The following CTSH variants were observed in gnomAD, a reference collection of about 807,000 sequenced individuals.
The protein encoded by CTSH is cathepsin H.
CTSH carries 52 observed loss-of-function variants against 56.3 expected under a neutral mutation model. That is an observed-to-expected ratio of 0.92 (90% confidence interval 0.74 to 1.16). The LOEUF is 1.16. Ranked by LOEUF, CTSH falls within the 50% of genes most tolerant of loss-of-function variation. CTSH has a pLI of 0.00. For synonymous variants in CTSH, 174 were observed against 155.7 expected (o/e 1.12, Z -0.88); for missense variants, 406 against 424.5 (o/e 0.96, Z 0.38).
chr15:78,939,797 C>T (rs1243432930), intron 1 of CTSH, among the ~76,000 whole-genome samples: 8 of 152,262 alleles, frequency 5.3e-5, no homozygotes, highest in Middle Eastern at 6.8e-3. Flanking sequence ...TGAGGAGAAT[C>T]GCTTGAACCC....
chr15:78,932,820 A>T (rs1189090420), intron 5 of CTSH, among the ~76,000 whole-genome samples: 1 of 151,906 alleles, frequency 6.6e-6, no homozygotes, highest in Admixed American at 6.6e-5. Context: ...CCCCCACCCC[A>T]TTCTGCAGTC....
At chr15:78,938,464 T>G (rs1010546578) in intron 2 of CTSH, among the ~76,000 whole-genome samples, 3 of 152,226 alleles carry the variant, frequency 2.0e-5, no homozygotes, top group Non-Finnish European at 4.4e-5. Context: ...TCTACTGTCT[T>G]TCTTCATCAG....
intron 10 of CTSH, among the ~76,000 whole-genome samples, chr15:78,924,058 C>T (rs777282978): frequency 4.7e-5 from 6 of 128,562 alleles, no homozygotes; most frequent in South Asian, 2.4e-4. Flanking sequence ...AGTGGGAGGG[C>T]GACAGAGCCC....
chr15:78,933,982 C>T (rs2055120473), intron 5 of CTSH, among the ~76,000 whole-genome samples: 1 of 152,202 alleles, frequency 6.6e-6, no homozygotes, highest in Admixed American at 6.5e-5. Flanking sequence ...CTTGGTGGGC[C>T]TCTCTTTCCC....
rs535918238 is a variant in CTSH at position 78,945,007 on chromosome 15, C to T, written c.-26G>A. 2.0e-6 allele frequency: 3 copies of T among 1,511,744 alleles called. No homozygotes were observed. The African/African-American group carries it at 4.3e-5, about 21-fold the overall frequency. The allele number at this position is 1,511,744 out of a possible 1,614,324, so 93.6% of individuals were successfully genotyped here. On this transcript the variant is annotated 5_prime_UTR_variant, in exon 1 of 12. Coordinates refer to ENST00000220166, the MANE Select transcript of CTSH (RefSeq NM_004390.5). The stretch of plus-strand genomic sequence containing the variant: ...CGCAGCGCTGGCGGCTTGGCTCTTG[C>T]GCTCAGGGTCCGCGGAGGTGGCGGC...
At chr15:78,935,606 C>A in intron 4 of CTSH, 74 bp downstream of exon 4, 1 of 1,311,154 alleles carries the variant, frequency 7.6e-7, no homozygotes. Context: ...TGCCTAGAAG[C>A]AGAGCAGGCT....
chr15:78,934,279 G>C (rs1158327468), intron 5 of CTSH, among the ~76,000 whole-genome samples: 1 of 152,234 alleles, frequency 6.6e-6, no homozygotes, highest in Non-Finnish European at 1.5e-5. Context: ...GGAGTTTCCA[G>C]GAAGGAAACC....
In CTSH at chr15:78,937,313, C is replaced by T. The variant is rs778643717; in HGVS notation, c.229+5G>A. ...TCCAGGAAGGAAGGAAGGCGTTCCACGTACTTTTAAATGTGTGGTTCCCAT... is the reference window on the plus strand; with the variant it reads ...TCCAGGAAGGAAGGAAGGCGTTCCATGTACTTTTAAATGTGTGGTTCCCAT... On this transcript the variant is annotated splice_donor_5th_base_variant and intron_variant, in intron 3 of 11. Transcript: ENST00000220166. The T allele has an allele frequency of 1.9e-5, 30 of 1,611,500 alleles. No homozygotes were observed. The highest frequency in any genetic ancestry group is 2.2e-5 in the East Asian group (1 of 44,878).
chr15:78,941,478 T>C (rs1354864708), intron 1 of CTSH, among the ~76,000 whole-genome samples: 2 of 112,598 alleles, frequency 1.8e-5, no homozygotes, highest in East Asian at 2.9e-4. Flanking sequence ...CTGTGACCCA[T>C]ACATCTGTGA....
At chr15:78,936,856 C>T (rs571319424) in intron 3 of CTSH, among the ~76,000 whole-genome samples, 3 of 152,220 alleles carry the variant, frequency 2.0e-5, no homozygotes, top group African/African-American at 7.2e-5. Flanking sequence ...CTTGAACTCC[C>T]AACCTCAGGT....
At chr15:78,938,614 T>C (rs1372296559) in intron 2 of CTSH, among the ~76,000 whole-genome samples, 2 of 152,238 alleles carry the variant, frequency 1.3e-5, no homozygotes, top group East Asian at 3.8e-4. Flanking sequence ...TTGTTATGGC[T>C]GAATAATATT....
chr15:78,940,650 A>G (rs1030215698), intron 1 of CTSH, among the ~76,000 whole-genome samples: 11 of 152,298 alleles, frequency 7.2e-5, no homozygotes, highest in African/African-American at 2.6e-4. Context: ...AACATGAACA[A>G]ACTTTTCTAT....
Position 78,935,767 on chromosome 15 carries a change from A to T in CTSH, c.230-17T>A. 1 of 1,591,826 alleles carries T rather than the reference A, an allele frequency of 6.3e-7. No homozygotes were observed. Reference sequence around the variant, plus strand: ...TCAGTGCCACTACAAAAGAGAAGGAAAAAACCAAAACAGAAATGGTTAGTG... The same window carrying T: ...TCAGTGCCACTACAAAAGAGAAGGATAAAACCAAAACAGAAATGGTTAGTG... On this transcript the variant is annotated splice_polypyrimidine_tract_variant and intron_variant, in intron 3 of 11. Transcript: ENST00000220166.
intron 7 of CTSH, among the ~76,000 whole-genome samples, chr15:78,929,898 A>G (rs958412617): frequency 6.6e-6 from 1 of 152,182 alleles, no homozygotes; most frequent in African/African-American, 2.4e-5. Context: ...TGGCTGAGGC[A>G]AAGAGGCTGA....
In CTSH at chr15:78,921,111, CAT is replaced by C. The variant is rs1336113793; in HGVS notation, c.*1017_*1018del. On this transcript the variant is annotated 3_prime_UTR_variant, in exon 12 of 12. Transcript: ENST00000220166. ...TTATCTAAATAAGCCTTATCATGAA[CAT>C]ATATATTTTTCAAATATTCTCAAGC... is the stretch of plus-strand genomic sequence containing the variant. The C allele has an allele frequency of 1.3e-5, 2 of 152,130 alleles. No individual in the cohort carries two copies. The highest frequency in any genetic ancestry group is 4.8e-5 in the African/African-American group (2 of 41,424). 9.4% of individuals were successfully genotyped at this position (152,130 alleles called of 1,614,324 possible).
intron 7 of CTSH, among the ~76,000 whole-genome samples, chr15:78,931,248 T>C (rs77509608): frequency 0.018 from 2,734 of 152,320 alleles, 43 homozygotes; most frequent in Non-Finnish European, 0.028. Flanking sequence ...GACAGAGGCC[T>C]GGACTCAGAT....
intron 6 of CTSH, chr15:78,931,919 T>A: frequency 8.4e-7 from 1 of 1,186,284 alleles, no homozygotes; most frequent in Non-Finnish European, 1.1e-6. Flanking sequence ...CTGTGCACTG[T>A]CCCTCCTTTC....
At position 78,922,061 on chromosome 15, in the gene CTSH, G is replaced by T; in HGVS notation, c.*69C>A. ...CTCCCCACAACTTCCTCCAGGGCAG[G>T]ATTTCCACCCAGGCCCAGGCTGCCC... is the stretch of plus-strand genomic sequence containing the variant. On this transcript the variant is annotated 3_prime_UTR_variant, in exon 12 of 12. Coordinates refer to ENST00000220166, the MANE Select transcript of CTSH (RefSeq NM_004390.5). 1.4e-6 allele frequency: 2 copies of T among 1,438,488 alleles called. No homozygotes were observed. The highest frequency in any genetic ancestry group is 1.9e-6 in the Non-Finnish European group (2 of 1,047,606). 89.1% of individuals were successfully genotyped at this position (1,438,488 alleles called of 1,614,324 possible).
chr15:78,944,962 A>T lies in CTSH; in HGVS notation c.20T>A (p.Leu7Gln). 1 of 1,545,416 alleles carries T rather than the reference A, an allele frequency of 6.5e-7. No individual in the cohort carries two copies. The highest frequency in any genetic ancestry group is 8.7e-7 in the Non-Finnish European group (1 of 1,145,306). MWATLP[L>Q]LCAGAWLLGV... ...CAGGAGCCAGGCCCCGGCGCAGAGC[A>T]GCGGCAGCGTGGCCCACATCGCAGC... The change falls in exon 1 of 12, where the codon CTG becomes CAG. Residue 7 changes from leucine (L) to glutamine (Q), a missense_variant. By Grantham distance (113) the Leu-to-Gln change is moderately radical. Coordinates refer to ENST00000220166, the MANE Select transcript of CTSH (RefSeq NM_004390.5).
Sources: allele counts gnomAD v4.1 joint callset (sites outside exome capture counted in the v4.1 genomes callset), GRCh38; gene constraint gnomAD v4.1.1; transcripts MANE v1.5; gene names NCBI Gene and HGNC (gene_info 2026-07-23, HGNC 2026-07-21).